Variants in ZNRF1 observed in about 807,000 individuals in gnomAD.
ZNRF1 encodes zinc and ring finger 1, also known as E3 ubiquitin-protein ligase ZNRF1.
Under a neutral mutation model 18.4 loss-of-function variants are expected in ZNRF1, and 3 were observed. The observed-to-expected ratio is 0.16, with a 90% confidence interval of 0.07 to 0.42. The LOEUF (loss-of-function observed/expected upper bound fraction) is 0.42. Among genes scored for constraint, ZNRF1 ranks in the 10% least tolerant of loss-of-function variants. ZNRF1 has a pLI of 0.99. For missense variants in ZNRF1, 310 were observed against 329.8 expected (o/e 0.94, Z 0.47); for synonymous variants, 157 against 144.2 (o/e 1.09, Z -0.64).
chr16:75,006,967 C>T (rs932662608), intron 1 of ZNRF1, among the ~76,000 whole-genome samples: 2 of 151,902 alleles, frequency 1.3e-5, no homozygotes, highest in African/African-American at 4.8e-5. Context: ...CCTTTATGTG[C>T]TGTATGGATG....
chr16:75,107,850 C>T lies in ZNRF1; in HGVS notation c.*150C>T. On this transcript the variant is annotated 3_prime_UTR_variant, in exon 5 of 5. Transcript: ENST00000335325. ...CACTGACTTCCAGATCATGGTTCTC[C>T]CTTCCTCCCTGAGGACACCAAATTG... 2.2e-6 allele frequency: 1 copy of T among 456,018 alleles called. No homozygotes were observed. Among genetic ancestry groups the T allele is most frequent in the South Asian group, 1.5e-5 (1 of 64,520 alleles). 28.2% of individuals were successfully genotyped at this position (456,018 alleles called of 1,614,324 possible). A position where few individuals can be genotyped will look rare whatever the true frequency, so the allele number is the denominator to read the frequency against.
intron 1 of ZNRF1, among the ~76,000 whole-genome samples, chr16:75,030,344 C>G (rs2035285878): frequency 6.6e-6 from 1 of 151,990 alleles, no homozygotes; most frequent in African/African-American, 2.4e-5. Flanking sequence ...GGTTTGGACC[C>G]CTACCTCACA....
intron 4 of ZNRF1, chr16:75,107,473 CA>C (rs2145434039): frequency 3.2e-6 from 1 of 315,866 alleles, no homozygotes; most frequent in African/African-American, 2.2e-5. Flanking sequence ...TGATGTCAGA[CA>C]AATCAGGGAC....
chr16:75,078,283 ATTTC>A (rs1252585081), intron 1 of ZNRF1, among the ~76,000 whole-genome samples: 7 of 108,734 alleles, frequency 6.4e-5, no homozygotes, highest in Non-Finnish European at 1.4e-4. Flanking sequence ...TCTTCCATAC[ATTTC>A]TTTCTTTCCT....
chr16:75,000,381 G>A (rs2034829888), intron 1 of ZNRF1: 1 of 611,470 alleles, frequency 1.6e-6, no homozygotes. Context: ...ACCCTCCTCA[G>A]AGAAGAGGTC....
intron 1 of ZNRF1, among the ~76,000 whole-genome samples, chr16:75,031,795 C>G (rs2035307977): frequency 6.6e-6 from 1 of 152,216 alleles, no homozygotes; most frequent in South Asian, 2.1e-4. Flanking sequence ...AGCCACCACA[C>G]CCGGCTATAT....
chr16:75,031,754 G>A (rs1015770244), intron 1 of ZNRF1, among the ~76,000 whole-genome samples: 2 of 151,870 alleles, frequency 1.3e-5, no homozygotes, highest in African/African-American at 4.8e-5. Context: ...TGCCCATCTC[G>A]GCTTCTCAAA....
intron 1 of ZNRF1, among the ~76,000 whole-genome samples, chr16:75,093,239 G>A (rs1356459201): frequency 1.3e-5 from 2 of 152,142 alleles, no homozygotes; most frequent in Non-Finnish European, 2.9e-5. Flanking sequence ...ACAAAAATTA[G>A]CCAGGCGTCA....
intron 1 of ZNRF1, among the ~76,000 whole-genome samples, chr16:75,072,414 G>A (rs375215488): frequency 9.2e-5 from 14 of 152,130 alleles, no homozygotes; most frequent in African/African-American, 3.1e-4. Flanking sequence ...TGTCCCTGTC[G>A]TAATGCTGAT....
intron 1 of ZNRF1, among the ~76,000 whole-genome samples, chr16:75,062,878 A>G (rs1418214447): frequency 2.0e-5 from 3 of 152,168 alleles, no homozygotes; most frequent in Non-Finnish European, 2.9e-5. Flanking sequence ...TTCTGACAAT[A>G]TTATAGAACA....
chr16:75,089,905 A>T (rs923551411), intron 1 of ZNRF1, among the ~76,000 whole-genome samples: 2 of 152,212 alleles, frequency 1.3e-5, no homozygotes, highest in African/African-American at 4.8e-5. Context: ...TTATAGGGAT[A>T]ACCTTGAATC....
rs1046548192 is a variant in ZNRF1, at chr16:75,049,391, A to G, written c.425-44181A>G. ...TGCCCAGGCTGGGTGCAGTAGCACG[A>G]TCATAGCTTACTGCAGCCTCAGCCT... is the stretch of plus-strand genomic sequence containing the variant. On this transcript the variant is annotated intron_variant, in intron 1 of 4. Transcript: ENST00000335325. 2.0e-5 allele frequency among the ~76,000 whole-genome samples: 3 copies of G among 151,454 alleles called. No individual in the cohort carries two copies. The East Asian group carries it at 5.8e-4, about 29-fold the overall frequency.
Position 75,093,631 on chromosome 16 carries a change from A to G in ZNRF1, c.484A>G (p.Ile162Val). 2 of 1,614,090 alleles carry G rather than the reference A, an allele frequency of 1.2e-6. No homozygotes were observed. The highest frequency in any genetic ancestry group is 1.7e-6 in the Non-Finnish European group (2 of 1,179,948). ...VASDEMEMHFIMCLSKPRLSY... is the reference protein window; with the variant it reads ...VASDEMEMHFVMCLSKPRLSY... ...TTCTGACGAGATGGAAATGCACTTT[A>G]TAATGTGTTTGAGCAAACCTCGCCT... Residue 162 changes from isoleucine (I) to valine (V), a missense_variant, in exon 2 of 5, where the codon ATA becomes GTA. By Grantham distance (29) the Ile-to-Val change is conservative. This residue lies in a region of ZNRF1 where 293 missense variants were observed against 291.2 expected (regional missense o/e 1.01). Transcript: ENST00000335325.
chr16:75,091,831 C>A (rs1597905998), intron 1 of ZNRF1, among the ~76,000 whole-genome samples: 1 of 152,108 alleles, frequency 6.6e-6, no homozygotes, highest in South Asian at 2.1e-4. Context: ...ACGACCACAC[C>A]CAGCCCTGTG....
intron 1 of ZNRF1, chr16:75,084,643 T>G (rs568109291): frequency 6.6e-6 from 1 of 152,322 alleles, no homozygotes; most frequent in East Asian, 1.9e-4. Flanking sequence ...GAAAGGTATT[T>G]GAGCATATAC....
In ZNRF1 at chr16:75,032,843, T is replaced by C. The variant is rs147878823; in HGVS notation, c.424+32748T>C. 2.2e-4 allele frequency among the ~76,000 whole-genome samples: 33 copies of C among 152,208 alleles called. No individual in the cohort carries two copies. The East Asian group carries it at 6.0e-3, about 28-fold the overall frequency. ...CAGCCTGGGCAACACAGCAAGACCC[T>C]GTCTCTACAAAAATTAAAAATTAGT... On this transcript the variant is annotated intron_variant, in intron 1 of 4. Coordinates refer to ENST00000335325, the MANE Select transcript of ZNRF1 (RefSeq NM_032268.5).
At chr16:75,035,479 C>G (rs2035366141) in intron 1 of ZNRF1, among the ~76,000 whole-genome samples, 1 of 152,168 alleles carries the variant, frequency 6.6e-6, no homozygotes, top group Non-Finnish European at 1.5e-5. Context: ...AACCTCAATT[C>G]TTGGCTCCTC....
rs540085646 is a variant in ZNRF1, at chr16:75,047,945, G to A, written c.425-45627G>A. The stretch of plus-strand genomic sequence containing the variant: ...TGGTCTTCCCTTTGTATGTGTCTGT[G>A]TCCTCATCATTCTTTTTTTTTTTTG... On this transcript the variant is annotated intron_variant, in intron 1 of 4. Transcript: ENST00000335325. 2.2e-3 allele frequency among the ~76,000 whole-genome samples: 316 copies of A among 143,512 alleles called. 2 individuals are homozygous for A. Among genetic ancestry groups the A allele is most frequent in the Non-Finnish European group, 3.5e-3 (226 of 65,192 alleles). 94.1% of individuals were successfully genotyped at this position (143,512 alleles called of 152,430 possible).
chr16:75,040,505 T>G (rs2145361059), intron 1 of ZNRF1, among the ~76,000 whole-genome samples: 1 of 152,188 alleles, frequency 6.6e-6, no homozygotes, highest in Admixed American at 6.5e-5. Flanking sequence ...ATTTGCCTTT[T>G]CTGGGAATTT....
Sources: allele counts gnomAD v4.1 joint callset (sites outside exome capture counted in the v4.1 genomes callset), GRCh38; gene constraint gnomAD v4.1.1; regional missense constraint gnomAD v4.1.1; transcripts MANE v1.5; gene names NCBI Gene and HGNC (gene_info 2026-07-23, HGNC 2026-07-21).